Variants in GPHN observed in about 807,000 individuals in gnomAD.
GPHN encodes gephyrin.
GPHN carries 17 observed loss-of-function variants against 95.5 expected under a neutral mutation model. That is an observed-to-expected ratio of 0.18 (90% CI 0.12 to 0.27). GPHN has a LOEUF of 0.27. Ranked by LOEUF, GPHN falls within the 10% of genes least tolerant of loss-of-function variation. GPHN has a pLI of 1.00. For missense variants in GPHN, 660 were observed against 978.1 expected, an observed-to-expected ratio of 0.67 and a Z score of 4.34; for synonymous variants, 320 against 322.5, an observed-to-expected ratio of 0.99 and a Z score of 0.08.
chr14:67,337,659 GAGAA>G, the GPHN span: 2 of 152,146 alleles, frequency 1.3e-5, no homozygotes, highest in South Asian at 2.1e-4. Context: ...AAATGGATGC[GAGAA>G]AGACTGAGTC....
the GPHN span, chr14:67,374,423 G>A: frequency 2.4e-6 from 3 of 1,256,896 alleles, no homozygotes; most frequent in African/African-American, 4.4e-5. Flanking sequence ...CAATAGTACA[G>A]TGGCATCTGG....
intron 1 of GPHN, among the ~76,000 whole-genome samples, chr14:66,514,359 T>C (rs1275333825): frequency 6.6e-6 from 1 of 152,036 alleles, no homozygotes; most frequent in Non-Finnish European, 1.5e-5. Flanking sequence ...CACTGAATCA[T>C]AGAAAGAACA....
intron 11 of GPHN, among the ~76,000 whole-genome samples, chr14:67,066,132 G>C (rs1012626952): frequency 6.6e-6 from 1 of 152,242 alleles, no homozygotes; most frequent in South Asian, 2.1e-4. Flanking sequence ...CACAGGCCTG[G>C]TGGTGACAAA....
the GPHN span, among the ~76,000 whole-genome samples, chr14:67,429,244 T>C: frequency 2.6e-5 from 4 of 151,402 alleles, no homozygotes; most frequent in African/African-American, 9.7e-5. Context: ...TTTTTTTTTT[T>C]TTTTGAGACA....
intron 1 of GPHN, among the ~76,000 whole-genome samples, chr14:66,647,977 A>C (rs1178529781): frequency 6.6e-6 from 1 of 152,206 alleles, no homozygotes; most frequent in Non-Finnish European, 1.5e-5. Flanking sequence ...GCTATTCATA[A>C]TGTATCAGAA....
At chr14:67,437,804 A>C in the GPHN span, among the ~76,000 whole-genome samples, 1 of 152,092 alleles carries the variant, frequency 6.6e-6, no homozygotes, top group South Asian at 2.1e-4. Context: ...ACCATTTACC[A>C]CGGTGGAGGA....
the GPHN span, chr14:67,571,570 G>C: frequency 1.9e-5 from 11 of 568,416 alleles, no homozygotes; most frequent in African/African-American, 1.7e-4. Context: ...GGCCTGAGAA[G>C]CATGGAGGTC....
chr14:66,738,046 A>C (rs17182886), intron 2 of GPHN, among the ~76,000 whole-genome samples: 8,938 of 152,260 alleles, frequency 0.059, 361 homozygotes, highest in Middle Eastern at 0.099. Context: ...AGTGACTCCT[A>C]ATCCTCCAGG....
intron 4 of GPHN, among the ~76,000 whole-genome samples, chr14:66,877,914 C>G (rs1396319515): frequency 4.6e-5 from 7 of 152,062 alleles, no homozygotes; most frequent in Admixed American, 2.0e-4. Context: ...CCCTTGTAGC[C>G]AAGACAATCC....
chr14:66,932,739 G>A (rs941856211), intron 8 of GPHN, among the ~76,000 whole-genome samples: 1 of 151,602 alleles, frequency 6.6e-6, no homozygotes, highest in Non-Finnish European at 1.5e-5. Context: ...GTCACCACTG[G>A]TGAGTCCTGC....
chr14:67,185,510 C>T (rs2083364312), downstream of GPHN, among the ~76,000 whole-genome samples: 3 of 152,178 alleles, frequency 2.0e-5, no homozygotes, highest in South Asian at 6.2e-4. Flanking sequence ...AAGCATGTTA[C>T]AAGTCTTTTT....
chr14:67,038,144 T>G (rs1474926223), intron 10 of GPHN, among the ~76,000 whole-genome samples: 1 of 152,104 alleles, frequency 6.6e-6, no homozygotes, highest in African/African-American at 2.4e-5. Flanking sequence ...GGAAATCCTG[T>G]CATATGCTAC....
At chr14:66,789,642 G>A (rs1034487689) in intron 3 of GPHN, among the ~76,000 whole-genome samples, 17 of 152,192 alleles carry the variant, frequency 1.1e-4, no homozygotes, top group African/African-American at 4.1e-4. Context: ...ACTGAATCCT[G>A]GATCCCCAAA....
intron 1 of GPHN, among the ~76,000 whole-genome samples, chr14:66,552,871 T>C (rs1231419200): frequency 1.3e-5 from 2 of 152,208 alleles, no homozygotes; most frequent in African/African-American, 2.4e-5. Context: ...TTTCTTACTT[T>C]TGTTTTTAAT....
chr14:67,416,530 GAA>G, the GPHN span, among the ~76,000 whole-genome samples: 3 of 152,362 alleles, frequency 2.0e-5, no homozygotes, highest in South Asian at 6.2e-4. Flanking sequence ...GTACAGGCAG[GAA>G]AAGACTAAAG....
the GPHN span, chr14:67,198,363 G>A: frequency 1.9e-6 from 3 of 1,556,842 alleles, no homozygotes; most frequent in Non-Finnish European, 2.6e-6. Context: ...AATAACTTCA[G>A]TAATTTTCTC....
At chr14:67,032,709 A>G (rs1158308849) in intron 10 of GPHN, among the ~76,000 whole-genome samples, 1 of 152,210 alleles carries the variant, frequency 6.6e-6, no homozygotes, top group Non-Finnish European at 1.5e-5. Flanking sequence ...CAGAGAAGTC[A>G]CATTCCCCCG....
At chr14:67,167,799 A>G (rs1048430744) in intron 20 of GPHN, among the ~76,000 whole-genome samples, 4 of 152,250 alleles carry the variant, frequency 2.6e-5, no homozygotes, top group African/African-American at 9.6e-5. Context: ...TTCATTTCAT[A>G]GATGAGTAAA....
the GPHN span, among the ~76,000 whole-genome samples, chr14:67,462,438 T>C: frequency 6.6e-6 from 1 of 152,216 alleles, no homozygotes; most frequent in African/African-American, 2.4e-5. Flanking sequence ...CTTGTACTAC[T>C]GGGCTCAAGC....
Sources: gnomAD v4.1 joint callset for allele counts (sites outside exome capture counted in the v4.1 genomes callset) on GRCh38, gnomAD v4.1.1 for gene constraint, MANE v1.5 for transcripts, NCBI Gene and HGNC (gene_info 2026-07-23, HGNC 2026-07-21) for gene names.